CLEC1A: variants seen among roughly 807,000 people sequenced by gnomAD.
CLEC1A encodes C-type lectin domain family 1 member A.
Under a neutral mutation model 28.7 loss-of-function variants are expected in CLEC1A, and 34 were observed. The observed-to-expected ratio is 1.18, with a 90% CI of 0.90 to 1.57. The LOEUF (loss-of-function observed/expected upper bound fraction) is 1.57. CLEC1A is among the 40% of genes most tolerant of loss of function. The probability of loss-of-function intolerance (pLI) is 0.00; values close to 1 mark genes in which losing one functional copy is unlikely to be tolerated. For missense variants in CLEC1A, 385 were observed against 339.5 expected (o/e 1.13, Z -1.05); for synonymous variants, 116 against 121.0 (o/e 0.96, Z 0.27).
At chr12:10,079,076 T>C (rs1408485570) in intron 3 of CLEC1A, among the ~76,000 whole-genome samples, 2 of 152,196 alleles carry the variant, frequency 1.3e-5, no homozygotes, top group Non-Finnish European at 2.9e-5. Flanking sequence ...TACTCCTTTA[T>C]AGCAACACAA....
chr12:10,087,625 C>T (rs186206504), intron 2 of CLEC1A, among the ~76,000 whole-genome samples: 138 of 148,888 alleles, frequency 9.3e-4, no homozygotes, highest in African/African-American at 3.3e-3. Flanking sequence ...TGGGTTCAAG[C>T]GGTTCTCCTG....
chr12:10,071,649 C>T, intron 5 of CLEC1A, 136 bp from the exon 6 acceptor site: 2 of 662,386 alleles, frequency 3.0e-6, no homozygotes, highest in Non-Finnish European at 4.6e-6. Context: ...GGGTCATGTG[C>T]CTCTTTCTCT....
intron 2 of CLEC1A, among the ~76,000 whole-genome samples, chr12:10,085,196 AACACAC>A (rs144572464): frequency 0.033 from 4,277 of 129,084 alleles, 73 homozygotes; most frequent in East Asian, 0.088. Context: ...ATAAGACAAT[AACACAC>A]ACACACACAC....
intron 4 of CLEC1A, among the ~76,000 whole-genome samples, chr12:10,075,100 T>C (rs1007736851): frequency 2.0e-5 from 3 of 152,238 alleles, no homozygotes; most frequent in Non-Finnish European, 4.4e-5. Flanking sequence ...TTGCAGATTA[T>C]GGTAAAAACT....
Position 10,075,581 on chromosome 12 carries a change from T to G in CLEC1A, c.466A>C (p.Lys156Gln), listed in dbSNP as rs773008796. ...DNCYQFYKDSKSWEDCKYFCL... is the reference protein window; with the variant it reads ...DNCYQFYKDSQSWEDCKYFCL... ...AAATATTTACAGTCCTCCCAACTTT[T>G]GCTGTCTTTATAGAACTGGTAGCAA... Residue 156 changes from lysine (K) to glutamine (Q), a missense_variant, in exon 4 of 6, where the codon AAA becomes CAA. Lys to Gln is a moderately conservative substitution (Grantham distance 53, BLOSUM62 1). Transcript: ENST00000315330. 5.6e-6 allele frequency: 9 copies of G among 1,613,970 alleles called. No homozygotes were observed. In the East Asian group the frequency reaches 2.0e-4, roughly 36 times the overall value.
chr12:10,081,314 A>G lies in CLEC1A; in HGVS notation c.314T>C (p.Val105Ala). The G allele has an allele frequency of 6.2e-7, 1 of 1,613,494 alleles. No homozygotes were observed. The highest frequency in any genetic ancestry group is 8.5e-7 in the Non-Finnish European group (1 of 1,179,702). ...ACTTCCTGCAAGCTTTATATTCTGG[A>G]CTTGAAGAGATTGCAACTCTTGGGA... ...NTSQELQSLQ[V>A]QNIKLAGSLQ... Residue 105 changes from valine to alanine, a missense_variant, in exon 3 of 6, where the codon GTC (valine) becomes GCC (alanine). By Grantham distance (64) the Val-to-Ala change is moderately conservative. Coordinates refer to ENST00000315330, the MANE Select transcript of CLEC1A (RefSeq NM_016511.4).
intron 1 of CLEC1A, among the ~76,000 whole-genome samples, chr12:10,096,973 T>G (rs886722197): frequency 6.6e-6 from 1 of 152,182 alleles, no homozygotes; most frequent in Non-Finnish European, 1.5e-5. Flanking sequence ...CTTATTATAC[T>G]TACTCCTTAG....
chr12:10,077,884 A>ACAG (rs780670356), intron 3 of CLEC1A, among the ~76,000 whole-genome samples: 1 of 152,068 alleles, frequency 6.6e-6, no homozygotes, highest in Non-Finnish European at 1.5e-5. Context: ...AACTCCCCAA[A>ACAG]CAGCATTCCT....
intron 1 of CLEC1A, chr12:10,092,399 T>C: frequency 2.7e-6 from 1 of 373,298 alleles, no homozygotes; most frequent in Non-Finnish European, 5.3e-6. Context: ...TTTTTAAAAT[T>C]CATCAGCCAT....
Position 10,076,875 on chromosome 12 carries a change from A to C in CLEC1A, c.392-1220T>G, listed in dbSNP as rs561674628. Among the ~76,000 whole-genome samples the C allele has an allele frequency of 2.6e-5, 4 of 152,348 alleles. No individual in the cohort carries two copies. In the South Asian group the frequency reaches 8.3e-4, roughly 32 times the overall value. ...AGATTATGAAGCAGCAACTGGACTC[A>C]GCAAGGAGAATCTTGGTTCATTCTG... On this transcript the variant is annotated intron_variant, in intron 3 of 5. Transcript: ENST00000315330.
At chr12:10,078,819 T>G (rs1866307300) in intron 3 of CLEC1A, among the ~76,000 whole-genome samples, 1 of 152,184 alleles carries the variant, frequency 6.6e-6, no homozygotes. Flanking sequence ...AGATCCCTTA[T>G]GAACAGCTTG....
intron 2 of CLEC1A, among the ~76,000 whole-genome samples, chr12:10,083,688 G>C (rs916704319): frequency 9.9e-5 from 15 of 152,080 alleles, no homozygotes; most frequent in African/African-American, 3.1e-4. Flanking sequence ...GGCCAGGCTG[G>C]TCTTAAACTC....
chr12:10,090,432 A>G (rs866368606), intron 1 of CLEC1A, among the ~76,000 whole-genome samples: 3 of 151,646 alleles, frequency 2.0e-5, no homozygotes, highest in Non-Finnish European at 4.4e-5. Context: ...TTTTTCCTAT[A>G]TTTTTGTTGG....
chr12:10,076,219 T>A (rs148514887), intron 3 of CLEC1A, among the ~76,000 whole-genome samples: 5 of 152,270 alleles, frequency 3.3e-5, no homozygotes, highest in Non-Finnish European at 7.4e-5. Flanking sequence ...ATCGCAAATA[T>A]AGGTGCCAAG....
intron 3 of CLEC1A, among the ~76,000 whole-genome samples, chr12:10,079,125 A>G (rs1273063263): frequency 6.6e-6 from 1 of 152,148 alleles, no homozygotes; most frequent in Non-Finnish European, 1.5e-5. Context: ...TTTTCAATAT[A>G]CTTACTTCTA....
chr12:10,070,499 A>C lies in CLEC1A; in HGVS notation c.*834T>G, dbSNP rs1866103038. 6.6e-6 allele frequency: 1 copy of C among 152,242 alleles called. No individual in the cohort carries two copies. The highest frequency in any genetic ancestry group is 1.9e-4 in the East Asian group (1 of 5,206). The allele number at this position is 152,242 out of a possible 1,614,324, so 9.4% of individuals were successfully genotyped here. ...CACACACTTCACAGTATTTACATTT[A>C]TTATTATTAAATCTTCAGTACCTGA... On this transcript the variant is annotated 3_prime_UTR_variant, in exon 6 of 6. Transcript: ENST00000315330.
intron 2 of CLEC1A, among the ~76,000 whole-genome samples, chr12:10,088,827 G>A (rs976851463): frequency 2.0e-5 from 3 of 151,944 alleles, no homozygotes; most frequent in African/African-American, 7.3e-5. Context: ...GAATGGGAGA[G>A]GGCTGAAGCA....
chr12:10,083,175 C>G (rs1866406179), intron 2 of CLEC1A, among the ~76,000 whole-genome samples: 1 of 152,214 alleles, frequency 6.6e-6, no homozygotes, highest in Non-Finnish European at 1.5e-5. Context: ...AGCACAACAT[C>G]AAGGGATCAC....
intron 2 of CLEC1A, among the ~76,000 whole-genome samples, chr12:10,083,161 G>A (rs550065034): frequency 5.0e-4 from 76 of 152,274 alleles, no homozygotes; most frequent in African/African-American, 1.8e-3. Context: ...AGGGGAAGGG[G>A]GAGAGCACAA....
Sources: gnomAD v4.1 joint callset for allele counts (sites outside exome capture counted in the v4.1 genomes callset) on GRCh38, gnomAD v4.1.1 for gene constraint, MANE v1.5 for transcripts, NCBI Gene and HGNC (gene_info 2026-07-23, HGNC 2026-07-21) for gene names.